CAMK1D: variants seen among roughly 807,000 people sequenced by gnomAD.
CAMK1D encodes the protein calcium/calmodulin-dependent protein kinase type 1D.
In CAMK1D, 9 loss-of-function variants were observed where a neutral mutation model predicts 47.7. The ratio of observed to expected loss-of-function variants is 0.19; its 90% confidence interval spans 0.11 to 0.33. The LOEUF (loss-of-function observed/expected upper bound fraction) is 0.33. Among genes scored for constraint, CAMK1D ranks in the 10% least tolerant of loss-of-function variants. CAMK1D has a pLI of 1.00. For missense variants in CAMK1D, 291 were observed against 488.7 expected, an observed-to-expected ratio of 0.60 and a Z score of 3.81; for synonymous variants, 184 against 184.9, an observed-to-expected ratio of 0.99 and a Z score of 0.04.
intron 4 of CAMK1D, among the ~76,000 whole-genome samples, chr10:12,768,086 T>C (rs1836862866): frequency 6.6e-6 from 1 of 152,206 alleles, no homozygotes; most frequent in African/African-American, 2.4e-5. Flanking sequence ...TTGATCAGGC[T>C]GGTCTTGGAC....
At chr10:12,563,137 A>T (rs1028283484) in intron 2 of CAMK1D, among the ~76,000 whole-genome samples, 2 of 152,274 alleles carry the variant, frequency 1.3e-5, no homozygotes, top group African/African-American at 4.8e-5. Flanking sequence ...GCCCAAGGCC[A>T]AAGACCTGGG....
chr10:12,734,357 T>A (rs1369030496), intron 3 of CAMK1D, among the ~76,000 whole-genome samples: 7 of 3,296 alleles, frequency 2.1e-3, no homozygotes, highest in African/African-American at 3.1e-3. Context: ...TATATATATA[T>A]ATATATATAT....
chr10:12,716,992 T>C (rs11812913), intron 3 of CAMK1D, among the ~76,000 whole-genome samples: 13,627 of 152,236 alleles, frequency 0.09, 1,426 homozygotes, highest in African/African-American at 0.25. Flanking sequence ...TACACTGTGA[T>C]ATTTTCTCAT....
At chr10:12,756,249 T>G (rs1010279692) in intron 3 of CAMK1D, among the ~76,000 whole-genome samples, 4 of 152,234 alleles carry the variant, frequency 2.6e-5, no homozygotes, top group African/African-American at 9.6e-5. Context: ...AGACATAAAA[T>G]ACTTTAAATT....
chr10:12,807,913 A>G (rs1838808845), intron 6 of CAMK1D, among the ~76,000 whole-genome samples: 2 of 152,128 alleles, frequency 1.3e-5, no homozygotes, highest in Admixed American at 6.5e-5. Context: ...CCCTCTGTCT[A>G]CACCATTCAG....
intron 1 of CAMK1D, among the ~76,000 whole-genome samples, chr10:12,448,558 A>C (rs1193336914): frequency 1.3e-5 from 2 of 152,046 alleles, no homozygotes; most frequent in Admixed American, 1.3e-4. Flanking sequence ...GTTTGTTTAG[A>C]GATACTACGG....
intron 2 of CAMK1D, among the ~76,000 whole-genome samples, chr10:12,627,886 T>C (rs2132458351): frequency 6.6e-6 from 1 of 152,250 alleles, no homozygotes; most frequent in Non-Finnish European, 1.5e-5. Flanking sequence ...AAGACCATCC[T>C]GGCTAACATG....
chr10:12,797,196 CTTTTTTTT>C lies in CAMK1D; in HGVS notation c.641+5971_641+5978del, dbSNP rs66641899. 1.4e-3 allele frequency among the ~76,000 whole-genome samples: 199 copies of C among 137,538 alleles called. 1 individual carries two copies. Among genetic ancestry groups the C allele is most frequent in the African/African-American group, 5.1e-3 (189 of 37,004 alleles). 90.2% of individuals were successfully genotyped at this position (137,538 alleles called of 152,430 possible). On this transcript the variant is annotated intron_variant, in intron 6 of 10. Coordinates refer to ENST00000619168, the MANE Select transcript of CAMK1D (RefSeq NM_153498.4). ...GCTGGGTAGCACAGCTGACCAGTTC[CTTTTTTTT>C]TTTTTTTGTTTAGAGACAGGGTCTT...
intron 6 of CAMK1D, among the ~76,000 whole-genome samples, chr10:12,792,345 C>A (rs568128324): frequency 6.6e-6 from 1 of 152,268 alleles, no homozygotes; most frequent in Non-Finnish European, 1.5e-5. Context: ...ATTACAATTT[C>A]TTTTACAAGT....
rs1244106828 is a variant in CAMK1D, at chr10:12,694,383, T to A, written c.299+27573T>A. Reference sequence around the variant, plus strand: ...TATATGTTATATATAAAATATAAAATATATATGTTATATATCATATATAAA... The same window carrying A: ...TATATGTTATATATAAAATATAAAAAATATATGTTATATATCATATATAAA... On this transcript the variant is annotated intron_variant, in intron 3 of 10. Coordinates refer to ENST00000619168, the MANE Select transcript of CAMK1D (RefSeq NM_153498.4). 4.3e-5 allele frequency among the ~76,000 whole-genome samples: 3 copies of A among 69,366 alleles called. No homozygotes were observed. The East Asian group carries it at 1.4e-3, about 32-fold the overall frequency. 45.5% of individuals were successfully genotyped at this position (69,366 alleles called of 152,430 possible).
At position 12,456,760 on chromosome 10, in the gene CAMK1D, CTG is replaced by C. The variant is rs1381843081; in HGVS notation, c.93-96463_93-96462del. ...CCAGCCTCGGTGACAGAGTGAGACT[CTG>C]TCTCAAAAAAAAAAAAAAAAAAAAA... is the stretch of plus-strand genomic sequence containing the variant. On this transcript the variant is annotated intron_variant, in intron 1 of 10. Coordinates refer to ENST00000619168, the MANE Select transcript of CAMK1D (RefSeq NM_153498.4). 3 of 78,078 alleles carry C rather than the reference CTG, an allele frequency of 3.8e-5. No individual in the cohort carries two copies. In the Admixed American group the frequency reaches 6.3e-4, roughly 16 times the overall value. The allele number at this position is 78,078 out of a possible 1,614,324, so 4.8% of individuals were successfully genotyped here.
rs180712658 is a variant in CAMK1D, at chr10:12,713,214, G to A, written c.299+46404G>A. On this transcript the variant is annotated intron_variant, in intron 3 of 10. Transcript: ENST00000619168. ...GCCTCCTGAGTAGCTGGGATTACAAGCGCACGCCACCAGGCCCGGCTAATT... is the reference window on the plus strand; with the variant it reads ...GCCTCCTGAGTAGCTGGGATTACAAACGCACGCCACCAGGCCCGGCTAATT... 2.6e-5 allele frequency among the ~76,000 whole-genome samples: 4 copies of A among 152,312 alleles called. No individual in the cohort carries two copies. In the East Asian group the frequency reaches 7.7e-4, roughly 29 times the overall value.
At chr10:12,494,059 CTT>C (rs1834465453) in intron 1 of CAMK1D, among the ~76,000 whole-genome samples, 1 of 152,174 alleles carries the variant, frequency 6.6e-6, no homozygotes, top group South Asian at 2.1e-4. Context: ...GTGAACATCT[CTT>C]GAGTGCAGTG....
chr10:12,489,275 C>T (rs11257827), intron 1 of CAMK1D, among the ~76,000 whole-genome samples: 2 of 151,978 alleles, frequency 1.3e-5, no homozygotes, highest in African/African-American at 2.4e-5. Context: ...AGACTGGTAT[C>T]GGTTTATGGC....
intron 2 of CAMK1D, among the ~76,000 whole-genome samples, chr10:12,576,002 A>G (rs753677925): frequency 6.6e-6 from 1 of 152,226 alleles, no homozygotes; most frequent in Admixed American, 6.5e-5. Context: ...TACAAGGATA[A>G]AACAATTTAG....
At chr10:12,429,221 A>T (rs189139976) in intron 1 of CAMK1D, among the ~76,000 whole-genome samples, 77 of 151,528 alleles carry the variant, frequency 5.1e-4, no homozygotes, top group Non-Finnish European at 5.5e-4. Flanking sequence ...CTCTTTGCTG[A>T]CCCCTTCTCC....
chr10:12,646,501 C>G (rs1367951806), intron 2 of CAMK1D, among the ~76,000 whole-genome samples: 3 of 152,122 alleles, frequency 2.0e-5, no homozygotes, highest in Non-Finnish European at 4.4e-5. Flanking sequence ...ATGAGACAGT[C>G]ATAGGTTTTG....
chr10:12,520,146 C>G (rs1263764779), intron 1 of CAMK1D, among the ~76,000 whole-genome samples: 1 of 76,186 alleles, frequency 1.3e-5, no homozygotes, highest in Non-Finnish European at 2.8e-5. Flanking sequence ...GGGTGGCTGC[C>G]GGACGGAGGG....
rs1836884580 is a variant in CAMK1D, at chr10:12,559,965, G to A, written c.224+6609G>A. Among the ~76,000 whole-genome samples the A allele has an allele frequency of 2.0e-5, 3 of 152,192 alleles. 1 individual carries two copies. Among genetic ancestry groups the A allele is most frequent in the African/African-American group, 7.2e-5 (3 of 41,422 alleles). On this transcript the variant is annotated intron_variant, in intron 2 of 10. Transcript: ENST00000619168. ...GGATGTGTGGTGGGAGAGTGAGTTA[G>A]CACCTCTGTCATGGGAAGGGCGGAG...
Sources: gnomAD v4.1 joint callset for allele counts (sites outside exome capture counted in the v4.1 genomes callset) on GRCh38, gnomAD v4.1.1 for gene constraint, MANE v1.5 for transcripts, NCBI Gene and HGNC (gene_info 2026-07-23, HGNC 2026-07-21) for gene names.